Variants in DGKI observed in about 807,000 individuals in gnomAD.
DGKI encodes the protein DAG kinase iota.
DGKI carries 55 observed loss-of-function variants against 147.5 expected under a neutral mutation model. The observed-to-expected ratio is 0.37, with a 90% CI of 0.30 to 0.47. DGKI has a LOEUF of 0.47. Among genes scored for constraint, DGKI ranks in the 20% least tolerant of loss-of-function variants. The pLI, the probability that DGKI is intolerant of heterozygous loss-of-function variation, is 1.00. For synonymous variants in DGKI, 469 were observed against 477.1 expected (o/e 0.98, Z 0.22); for missense variants, 1,007 against 1,323.8 (o/e 0.76, Z 3.71).
intron 1 of DGKI, among the ~76,000 whole-genome samples, chr7:137,773,166 T>C (rs1159168981): frequency 6.6e-6 from 1 of 152,194 alleles, no homozygotes; most frequent in African/African-American, 2.4e-5. Flanking sequence ...CCTCTTATTC[T>C]GAACAGTACA....
intron 1 of DGKI, among the ~76,000 whole-genome samples, chr7:137,827,264 G>A (rs1283750220): frequency 6.6e-6 from 1 of 152,090 alleles, no homozygotes; most frequent in African/African-American, 2.4e-5. Context: ...ATCACTTATA[G>A]GCTCAAAAAC....
At chr7:137,610,123 T>G (rs1463692665) in intron 8 of DGKI, among the ~76,000 whole-genome samples, 2 of 152,254 alleles carry the variant, frequency 1.3e-5, no homozygotes, top group Admixed American at 6.5e-5. Flanking sequence ...AAGTGACTCT[T>G]GACCCTACTC....
chr7:137,475,039 A>G (rs1815121765), intron 23 of DGKI, among the ~76,000 whole-genome samples: 1 of 152,230 alleles, frequency 6.6e-6, no homozygotes, highest in South Asian at 2.1e-4. Context: ...AGAGATAATT[A>G]TATCTCATGT....
chr7:137,425,663 A>T lies in DGKI; in HGVS notation c.2762-13456T>A, dbSNP rs10233569. Among the ~76,000 whole-genome samples the T allele has an allele frequency of 1.9e-4, 29 of 151,942 alleles. No homozygotes were observed. The East Asian group carries it at 3.7e-3, about 19-fold the overall frequency. On this transcript the variant is annotated intron_variant, in intron 28 of 32. Coordinates refer to ENST00000614521, the MANE Select transcript of DGKI (RefSeq NM_001321708.2). ...TTAAAAACTTTGAAAAAAATTTAGA[A>T]GAATGTATAACTAGAATAACCAATA...
chr7:137,631,386 C>T (rs1010243670), intron 6 of DGKI, among the ~76,000 whole-genome samples: 1 of 152,184 alleles, frequency 6.6e-6, no homozygotes, highest in African/African-American at 2.4e-5. Context: ...ATAGTTTTGA[C>T]TTCACTTTGG....
chr7:137,386,751 G>C lies in DGKI; in HGVS notation c.*4469C>G, dbSNP rs1266602459. On this transcript the variant is annotated 3_prime_UTR_variant, in exon 33 of 33. Coordinates refer to ENST00000614521, the MANE Select transcript of DGKI (RefSeq NM_001321708.2). ...AGACCTGGCAGAGAAGGACCTGTAGGACTTCTAATCAGCTGAGTATGAGAT... is the reference window on the plus strand; with the variant it reads ...AGACCTGGCAGAGAAGGACCTGTAGCACTTCTAATCAGCTGAGTATGAGAT... 6.6e-6 allele frequency: 1 copy of C among 152,072 alleles called. No individual in the cohort carries two copies. Among genetic ancestry groups the C allele is most frequent in the African/African-American group, 2.4e-5 (1 of 41,418 alleles). The allele number at this position is 152,072 out of a possible 1,614,324, so 9.4% of individuals were successfully genotyped here.
At chr7:137,692,783 T>C (rs1421623257) in intron 1 of DGKI, among the ~76,000 whole-genome samples, 2 of 152,208 alleles carry the variant, frequency 1.3e-5, no homozygotes, top group African/African-American at 4.8e-5. Context: ...AGTAAGGCCT[T>C]TTTGTTGATC....
chr7:137,826,248 C>G (rs1470907636), intron 1 of DGKI, among the ~76,000 whole-genome samples: 1 of 152,182 alleles, frequency 6.6e-6, no homozygotes, highest in Non-Finnish European at 1.5e-5. Context: ...AAGGTGATTT[C>G]TCCAAAATGC....
At chr7:137,841,001 C>A (rs1798528560) in intron 1 of DGKI, among the ~76,000 whole-genome samples, 2 of 152,252 alleles carry the variant, frequency 1.3e-5, no homozygotes, top group Admixed American at 1.3e-4. Flanking sequence ...ATCTTCCTAA[C>A]AAACCTGTAT....
chr7:137,708,898 T>C (rs1027835298), intron 1 of DGKI, among the ~76,000 whole-genome samples: 2 of 152,214 alleles, frequency 1.3e-5, no homozygotes, highest in African/African-American at 4.8e-5. Flanking sequence ...TGCAATTCAG[T>C]AAGCATATTA....
chr7:137,720,719 G>C (rs1286162684), intron 1 of DGKI, among the ~76,000 whole-genome samples: 1 of 152,058 alleles, frequency 6.6e-6, no homozygotes, highest in African/African-American at 2.4e-5. Flanking sequence ...TGTTTCAATG[G>C]AAAGGTAATT....
intron 1 of DGKI, among the ~76,000 whole-genome samples, chr7:137,720,819 T>C (rs968668531): frequency 1.3e-5 from 2 of 152,182 alleles, no homozygotes; most frequent in African/African-American, 4.8e-5. Flanking sequence ...ATTTTTAACA[T>C]ATTATTATTT....
At position 137,386,648 on chromosome 7, in the gene DGKI, A is replaced by C. The variant is rs1360531537; in HGVS notation, c.*4572T>G. 1.3e-5 allele frequency: 2 copies of C among 152,050 alleles called. No individual in the cohort carries two copies. The highest frequency in any genetic ancestry group is 2.9e-5 in the Non-Finnish European group (2 of 67,996). 9.4% of individuals were successfully genotyped at this position (152,050 alleles called of 1,614,324 possible). ...AAAGTTCAGGGACAGGACTGCCGCT[A>C]TGGCCCAAAACTTAGAGAGACAAGA... On this transcript the variant is annotated 3_prime_UTR_variant, in exon 33 of 33. Coordinates refer to ENST00000614521, the MANE Select transcript of DGKI (RefSeq NM_001321708.2).
chr7:137,800,859 A>T (rs1797182646), intron 1 of DGKI, among the ~76,000 whole-genome samples: 1 of 152,180 alleles, frequency 6.6e-6, no homozygotes, highest in African/African-American at 2.4e-5. Context: ...ATGCCCAATT[A>T]TGCATCTCCC....
At chr7:137,794,748 G>A (rs1796971227) in intron 1 of DGKI, among the ~76,000 whole-genome samples, 1 of 152,174 alleles carries the variant, frequency 6.6e-6, no homozygotes, top group Admixed American at 6.5e-5. Flanking sequence ...TTTCTAAGTT[G>A]AGACAGATAT....
chr7:137,736,739 A>C (rs1053576156), intron 1 of DGKI, among the ~76,000 whole-genome samples: 1 of 151,948 alleles, frequency 6.6e-6, no homozygotes, highest in African/African-American at 2.4e-5. Context: ...TTAATCAGAA[A>C]CCCCTAGCTT....
chr7:137,730,458 G>T (rs1240015553), intron 1 of DGKI, among the ~76,000 whole-genome samples: 2 of 151,826 alleles, frequency 1.3e-5, no homozygotes, highest in African/African-American at 4.8e-5. Context: ...CACTACCTTG[G>T]TTCAGTTCCT....
chr7:137,736,641 G>T (rs115385369), intron 1 of DGKI, among the ~76,000 whole-genome samples: 1 of 152,046 alleles, frequency 6.6e-6, no homozygotes, highest in Non-Finnish European at 1.5e-5. Context: ...TGTCCTAAGT[G>T]AAATAACATC....
intron 20 of DGKI, among the ~76,000 whole-genome samples, chr7:137,527,302 G>A (rs1416110293): frequency 6.6e-6 from 1 of 152,038 alleles, no homozygotes; most frequent in Non-Finnish European, 1.5e-5. Context: ...GCCTTATATT[G>A]TTTATTCAGT....
Sources: gnomAD v4.1 joint callset for allele counts (sites outside exome capture counted in the v4.1 genomes callset) on GRCh38, gnomAD v4.1.1 for gene constraint, MANE v1.5 for transcripts, NCBI Gene and HGNC (gene_info 2026-07-23, HGNC 2026-07-21) for gene names.